SPTLC2: variants seen among roughly 807,000 people sequenced by gnomAD.
SPTLC2 encodes the protein serine palmitoyltransferase long chain base subunit 2, also known as serine palmitoyltransferase 2.
Under a neutral mutation model 62.0 loss-of-function variants are expected in SPTLC2, and 21 were observed. The observed-to-expected ratio is 0.34, with a 90% CI of 0.24 to 0.49. The LOEUF is 0.49. Among genes scored for constraint, SPTLC2 ranks in the 20% least tolerant of loss-of-function variants. The pLI is 0.99. For missense variants in SPTLC2, 511 were observed against 713.0 expected (o/e 0.72, Z 3.23); for synonymous variants, 261 against 261.8 (o/e 1.00, Z 0.03).
Position 77,506,268 on chromosome 14 carries a change from C to T in SPTLC2, c.*6016G>A, listed in dbSNP as rs992520449. On this transcript the variant is annotated 3_prime_UTR_variant, in exon 12 of 12. Transcript: ENST00000216484. ...TAAGCTTTTATTTACACATCCCCTT[C>T]TCTCAGTTTCCCAGGTTATATGAAC... 2 of 152,234 alleles carry T rather than the reference C, an allele frequency of 1.3e-5. No homozygotes were observed. Among genetic ancestry groups the T allele is most frequent in the Admixed American group, 1.3e-4 (2 of 15,278 alleles). 9.4% of individuals were successfully genotyped at this position (152,234 alleles called of 1,614,324 possible). A position where few individuals can be genotyped will look rare whatever the true frequency, so the allele number is the denominator to read the frequency against.
At position 77,597,291 on chromosome 14, in the gene SPTLC2, C is replaced by T. The variant is rs763582332; in HGVS notation, c.222G>A (p.Thr74=). 2.0e-5 allele frequency: 33 copies of T among 1,614,068 alleles called. No homozygotes were observed. The highest frequency in any genetic ancestry group is 2.5e-5 in the Non-Finnish European group (30 of 1,180,038). ...GGGTGAGTACGCCATACCCCACATA[C>T]GTGAGCACAGCAACCAGCATTGGTG... ...EETPMLVAVL[T]YVGYGVLTLF... is the part of the protein sequence containing the mutation. The change falls in exon 2 of 12, where the codon ACG becomes ACA. Residue 74 remains threonine, a synonymous_variant. Coordinates refer to ENST00000216484, the MANE Select transcript of SPTLC2 (RefSeq NM_004863.4).
chr14:77,515,839 CTTAAGT>C (rs1355780956), intron 11 of SPTLC2, among the ~76,000 whole-genome samples: 2 of 152,060 alleles, frequency 1.3e-5, no homozygotes, highest in Non-Finnish European at 2.9e-5. Flanking sequence ...GAAAGGCTTT[CTTAAGT>C]TTATTACTAG....
rs1555376153 is a variant in SPTLC2 at position 77,570,491 on chromosome 14, C to A, written c.649G>T (p.Glu217Ter). 1 of 1,613,934 alleles carries A rather than the reference C, an allele frequency of 6.2e-7. No individual in the cohort carries two copies. Among genetic ancestry groups the A allele is most frequent in the Non-Finnish European group, 8.5e-7 (1 of 1,179,980 alleles). Residue 217 changes from glutamate (E) to a stop codon, truncating the protein, a stop_gained, in exon 5 of 12, where the codon GAA becomes TAA. Coordinates refer to ENST00000216484, the MANE Select transcript of SPTLC2 (RefSeq NM_004863.4). LOFTEE classifies it high-confidence loss of function. Reference sequence around the variant, plus strand: ...CTTGCTACAAGCTCCTCTAGTTCTTCATGCTTGTCCAGGTTTCCTGTGTGA... The same window carrying A: ...CTTGCTACAAGCTCCTCTAGTTCTTAATGCTTGTCCAGGTTTCCTGTGTGA... ...RQEIGNLDKH[E>*]ELEELVARFL...
At chr14:77,578,652 G>A (rs770389993) in intron 3 of SPTLC2, 5 of 297,642 alleles carry the variant, frequency 1.7e-5, no homozygotes, top group African/African-American at 8.9e-5. Context: ...CCTGGGAGGC[G>A]GAGGTTGCAG....
intron 9 of SPTLC2, among the ~76,000 whole-genome samples, chr14:77,543,072 C>T (rs1365593943): frequency 6.6e-6 from 1 of 152,172 alleles, no homozygotes; most frequent in African/African-American, 2.4e-5. Flanking sequence ...GTTTTTGAGA[C>T]CAAGTCTCAC....
At chr14:77,564,416 C>T (rs941152789) in intron 5 of SPTLC2, among the ~76,000 whole-genome samples, 2 of 34,950 alleles carry the variant, frequency 5.7e-5, no homozygotes, top group African/African-American at 1.6e-4. Context: ...CACACACACA[C>T]ACACACACAC....
rs538327111 is a variant in SPTLC2 at position 77,571,012 on chromosome 14, T to G, written c.632-504A>C. 2.6e-3 allele frequency among the ~76,000 whole-genome samples: 398 copies of G among 152,246 alleles called. 2 individuals are homozygous for G. The highest frequency in any genetic ancestry group is 9.1e-3 in the African/African-American group (377 of 41,546). On this transcript the variant is annotated intron_variant, in intron 4 of 11. Transcript: ENST00000216484. Reference sequence around the variant, plus strand: ...AGATGCCCAGCCAGCCCTTAGCCCTTCCTGCCACCCAGCTGAAGTGTCAAA... The same window carrying G: ...AGATGCCCAGCCAGCCCTTAGCCCTGCCTGCCACCCAGCTGAAGTGTCAAA...
chr14:77,552,136 G>A lies in SPTLC2; in HGVS notation c.1263C>T (p.Thr421=), dbSNP rs2079558727. 9 of 1,614,174 alleles carry A rather than the reference G, an allele frequency of 5.6e-6. No homozygotes were observed. Among genetic ancestry groups the A allele is most frequent in the Non-Finnish European group, 7.6e-6 (9 of 1,180,038 alleles). The change falls in exon 9 of 12, where the codon ACC becomes ACT. Residue 421 remains threonine, a synonymous_variant. Coordinates refer to ENST00000216484, the MANE Select transcript of SPTLC2 (RefSeq NM_004863.4). ...CCTGCCCCATGATGCACTTCATGGA[G>A]GTGATGATCTGCTCCACTACAGGAG... ...LSPPVVEQII[T]SMKCIMGQDG...
At chr14:77,549,400 T>A (rs947190309) in intron 9 of SPTLC2, among the ~76,000 whole-genome samples, 1 of 152,138 alleles carries the variant, frequency 6.6e-6, no homozygotes, top group Non-Finnish European at 1.5e-5. Context: ...CTCTGAAGCA[T>A]CCTTTCTGGG....
chr14:77,542,541 C>A (rs1010548806), intron 9 of SPTLC2, among the ~76,000 whole-genome samples: 1 of 152,154 alleles, frequency 6.6e-6, no homozygotes, highest in African/African-American at 2.4e-5. Context: ...GCAACGGGAA[C>A]TAGGTTTACC....
chr14:77,586,789 T>C (rs1447316364), intron 2 of SPTLC2, among the ~76,000 whole-genome samples: 1 of 152,168 alleles, frequency 6.6e-6, no homozygotes, highest in Non-Finnish European at 1.5e-5. Flanking sequence ...CCAATGGTCA[T>C]TAAACATATA....
At chr14:77,562,699 TTTTAA>T (rs1309163356) in intron 5 of SPTLC2, among the ~76,000 whole-genome samples, 1 of 152,260 alleles carries the variant, frequency 6.6e-6, no homozygotes, top group Non-Finnish European at 1.5e-5. Flanking sequence ...AATTCTAGCC[TTTTAA>T]TTTAATATCT....
intron 9 of SPTLC2, among the ~76,000 whole-genome samples, chr14:77,539,521 G>A (rs112608603): frequency 0.034 from 3,845 of 114,756 alleles, 213 homozygotes; most frequent in African/African-American, 0.12. Flanking sequence ...ATGGGGTCTC[G>A]TTGTGTCGCC....
chr14:77,554,433 C>T (rs1279982480), intron 8 of SPTLC2, among the ~76,000 whole-genome samples: 1 of 151,490 alleles, frequency 6.6e-6, no homozygotes. Flanking sequence ...ATCCCCTCCG[C>T]CTCCGGCAAC....
chr14:77,590,493 T>C lies in SPTLC2; in HGVS notation c.327+6693A>G, dbSNP rs560780914. Among the ~76,000 whole-genome samples, 7 of 152,162 alleles carry C rather than the reference T, an allele frequency of 4.6e-5. No individual in the cohort carries two copies. The East Asian group carries it at 7.8e-4, about 17-fold the overall frequency. On this transcript the variant is annotated intron_variant, in intron 2 of 11. Transcript: ENST00000216484. ...TGGGAGGCCGAGGTGGGCAGATAGA[T>C]AAACATGAGCCCAGGAGTTCAAGAC...
rs529900144 is a variant in SPTLC2 at position 77,546,971 on chromosome 14, C to T, written c.1303+5125G>A. Among the ~76,000 whole-genome samples the T allele has an allele frequency of 5.3e-4, 80 of 152,088 alleles. 1 individual carries two copies. Among genetic ancestry groups the T allele is most frequent in the African/African-American group, 1.9e-3 (79 of 41,478 alleles). On this transcript the variant is annotated intron_variant, in intron 9 of 11. Transcript: ENST00000216484. ...TCTTGAATTCCCGACCTCAGGTGAT[C>T]CGCCTGCCTTGGCCTCCCAAAGTGC... is the stretch of plus-strand genomic sequence containing the variant.
In SPTLC2 at chr14:77,557,300, G is replaced by A. The variant is rs61406050; in HGVS notation, c.851-154C>T. On this transcript the variant is annotated intron_variant, in intron 6 of 11. Coordinates refer to ENST00000216484, the MANE Select transcript of SPTLC2 (RefSeq NM_004863.4). ...CAGAAAAAAGCAGGGCAAAATAGGT[G>A]AATTATTGCCACCTTGAATTGAAAT... 663 of 649,692 alleles carry A rather than the reference G, an allele frequency of 1.0e-3. 5 individuals are homozygous for A. In the African/African-American group the frequency reaches 0.011, roughly 11 times the overall value. 40.2% of individuals were successfully genotyped at this position (649,692 alleles called of 1,614,324 possible). A position where few individuals can be genotyped will look rare whatever the true frequency, so the allele number is the denominator to read the frequency against.
chr14:77,597,609 A>C (rs2079854575), intron 1 of SPTLC2, among the ~76,000 whole-genome samples: 1 of 150,262 alleles, frequency 6.7e-6, no homozygotes, highest in Non-Finnish European at 1.5e-5. Flanking sequence ...ACCTGTCTCT[A>C]CTAAAAATGC....
At chr14:77,609,844 C>G (rs1418490393) in intron 1 of SPTLC2, among the ~76,000 whole-genome samples, 2 of 152,076 alleles carry the variant, frequency 1.3e-5, no homozygotes, top group South Asian at 4.1e-4. Flanking sequence ...TGAGCCATGT[C>G]CTGCCAGCCT....
Sources: gnomAD v4.1 joint callset for allele counts (sites outside exome capture counted in the v4.1 genomes callset) on GRCh38, gnomAD v4.1.1 for gene constraint, MANE v1.5 for transcripts, NCBI Gene and HGNC (gene_info 2026-07-23, HGNC 2026-07-21) for gene names.